The following SLC4A10 variants were observed in gnomAD, a reference collection of about 807,000 sequenced individuals.
SLC4A10 encodes sodium-driven chloride bicarbonate exchanger.
A neutral mutation model predicts 137.7 loss-of-function variants in SLC4A10; 42 were observed. The observed-to-expected ratio is 0.30, with a 90% CI of 0.24 to 0.39. The LOEUF (loss-of-function observed/expected upper bound fraction) is 0.39, where lower values mean the gene tolerates loss of function less well. Among genes scored for constraint, SLC4A10 ranks in the 10% least tolerant of loss-of-function variants. The pLI, the probability that SLC4A10 is intolerant of heterozygous loss-of-function variation, is 1.00. For missense variants in SLC4A10, 925 were observed against 1,355.0 expected (o/e 0.68, Z 4.98); for synonymous variants, 474 against 464.1 (o/e 1.02, Z -0.27).
chr2:161,942,371 G>C (rs1193308981), intron 15 of SLC4A10, among the ~76,000 whole-genome samples: 1 of 152,142 alleles, frequency 6.6e-6, no homozygotes, highest in Non-Finnish European at 1.5e-5. Context: ...TCCTCAGGTA[G>C]CTAGAGTTCT....
At chr2:161,924,345 G>A (rs983692071) in intron 15 of SLC4A10, among the ~76,000 whole-genome samples, 8 of 151,948 alleles carry the variant, frequency 5.3e-5, no homozygotes, top group African/African-American at 1.9e-4. Flanking sequence ...TCTTCTTTGA[G>A]CCACCAAGAG....
chr2:161,696,677 TACC>T (rs764125400), intron 1 of SLC4A10, among the ~76,000 whole-genome samples: 73 of 152,146 alleles, frequency 4.8e-4, no homozygotes, highest in Non-Finnish European at 9.4e-4. Context: ...GGTGTATATG[TACC>T]ACATTTTCTT....
At chr2:161,719,861 G>A (rs942126265) in intron 1 of SLC4A10, among the ~76,000 whole-genome samples, 3 of 151,842 alleles carry the variant, frequency 2.0e-5, no homozygotes, top group Non-Finnish European at 4.4e-5. Context: ...TCACTCTGAT[G>A]GTAGTTTCTT....
At chr2:161,647,307 C>T (rs2036193267) in intron 1 of SLC4A10, among the ~76,000 whole-genome samples, 1 of 151,886 alleles carries the variant, frequency 6.6e-6, no homozygotes. Context: ...GGGTGATTGT[C>T]AAGGAACATA....
intron 2 of SLC4A10, among the ~76,000 whole-genome samples, chr2:161,791,070 G>T (rs993271156): frequency 6.6e-6 from 1 of 152,120 alleles, no homozygotes; most frequent in Non-Finnish European, 1.5e-5. Flanking sequence ...ATTCCTTAAA[G>T]ACCTAGAGGC....
intron 16 of SLC4A10, among the ~76,000 whole-genome samples, chr2:161,945,350 G>A (rs879882307): frequency 8.0e-4 from 120 of 150,858 alleles, no homozygotes; most frequent in African/African-American, 2.8e-3. Flanking sequence ...TATTTAGCTT[G>A]TACATATATA....
chr2:161,946,933 T>G (rs1017681116), intron 16 of SLC4A10, among the ~76,000 whole-genome samples: 1 of 152,110 alleles, frequency 6.6e-6, no homozygotes, highest in South Asian at 2.1e-4. Context: ...GTCATAGTTT[T>G]CTTGTTGCCT....
intron 15 of SLC4A10, among the ~76,000 whole-genome samples, chr2:161,917,567 G>C (rs1490552668): frequency 6.9e-6 from 1 of 145,750 alleles, no homozygotes; most frequent in Non-Finnish European, 1.5e-5. Context: ...AAAAGAGGGA[G>C]ACCCTGTCTA....
intron 23 of SLC4A10, 43 bp downstream of exon 23, chr2:161,965,216 C>CA (rs1559644078): frequency 1.9e-6 from 3 of 1,547,152 alleles, no homozygotes; most frequent in African/African-American, 2.8e-5. Flanking sequence ...AAAAAAGGAA[C>CA]ATAGTAATAT....
At chr2:161,723,674 T>C (rs940871046) in intron 1 of SLC4A10, among the ~76,000 whole-genome samples, 7 of 152,178 alleles carry the variant, frequency 4.6e-5, no homozygotes, top group African/African-American at 1.7e-4. Context: ...CTCTTAATAG[T>C]GACTATGCAT....
intron 3 of SLC4A10, among the ~76,000 whole-genome samples, chr2:161,820,556 A>G (rs1018853244): frequency 6.6e-6 from 1 of 152,208 alleles, no homozygotes; most frequent in Non-Finnish European, 1.5e-5. Context: ...ATGAAATCAT[A>G]TAAGAGGAAT....
intron 2 of SLC4A10, among the ~76,000 whole-genome samples, chr2:161,779,976 A>C (rs1274532271): frequency 6.6e-6 from 1 of 152,014 alleles, no homozygotes; most frequent in Non-Finnish European, 1.5e-5. Context: ...GTGACAAAGA[A>C]TATATGTGGC....
At chr2:161,771,878 ATCTTAAGTACAAG>A (rs1385962849) in intron 2 of SLC4A10, among the ~76,000 whole-genome samples, 3 of 151,842 alleles carry the variant, frequency 2.0e-5, no homozygotes, top group African/African-American at 7.2e-5. Flanking sequence ...AAGCAAGGTG[ATCTTAAGTACAAG>A]TCATCAGAGA....
At chr2:161,788,497 G>A (rs898214004) in intron 2 of SLC4A10, among the ~76,000 whole-genome samples, 2 of 152,048 alleles carry the variant, frequency 1.3e-5, no homozygotes, top group Non-Finnish European at 2.9e-5. Flanking sequence ...TGGTCTTGGT[G>A]GTAGGGGCAG....
At chr2:161,860,755 A>G (rs1256268446) in intron 5 of SLC4A10, among the ~76,000 whole-genome samples, 1 of 152,208 alleles carries the variant, frequency 6.6e-6, no homozygotes, top group Non-Finnish European at 1.5e-5. Context: ...CATTCCAGGT[A>G]TATAATATGG....
Position 161,791,857 on chromosome 2 carries a change from A to G in SLC4A10, c.131-12592A>G, listed in dbSNP as rs1381597499. Among the ~76,000 whole-genome samples the G allele has an allele frequency of 2.0e-5, 3 of 152,122 alleles. 1 individual carries two copies. The highest frequency in any genetic ancestry group is 4.4e-5 in the Non-Finnish European group (3 of 68,028). ...ATTTTATTTCCAGGTAAATTTGAAAAATCTAAATTATTTTTCTAAATTTGA... is the reference window on the plus strand; with the variant it reads ...ATTTTATTTCCAGGTAAATTTGAAAGATCTAAATTATTTTTCTAAATTTGA... On this transcript the variant is annotated intron_variant, in intron 2 of 26. Coordinates refer to ENST00000446997, the MANE Select transcript of SLC4A10 (RefSeq NM_001178015.2).
At chr2:161,803,406 T>C (rs568716847) in intron 2 of SLC4A10, among the ~76,000 whole-genome samples, 49 of 152,264 alleles carry the variant, frequency 3.2e-4, no homozygotes, top group African/African-American at 1.2e-3. Flanking sequence ...TAGGGTTCAC[T>C]CTGTGTTATA....
At chr2:161,688,159 T>C (rs999157554) in intron 1 of SLC4A10, among the ~76,000 whole-genome samples, 2 of 152,210 alleles carry the variant, frequency 1.3e-5, no homozygotes, top group African/African-American at 4.8e-5. Flanking sequence ...TTAGACTTTT[T>C]TAAATTTCAA....
intron 1 of SLC4A10, among the ~76,000 whole-genome samples, chr2:161,707,449 A>G (rs1574476458): frequency 6.7e-6 from 1 of 150,282 alleles, no homozygotes; most frequent in African/African-American, 2.4e-5. Context: ...AGTTGAATTG[A>G]CTATAATCTT....
Sources: gnomAD v4.1 joint callset for allele counts (sites outside exome capture counted in the v4.1 genomes callset) on GRCh38, gnomAD v4.1.1 for gene constraint, MANE v1.5 for transcripts, NCBI Gene and HGNC (gene_info 2026-07-23, HGNC 2026-07-21) for gene names.